Variants in MSI2 observed in about 807,000 individuals in gnomAD.
The protein encoded by MSI2 is RNA-binding protein Musashi homolog 2.
Under a neutral mutation model 45.6 loss-of-function variants are expected in MSI2, and 17 were observed. The ratio of observed to expected loss-of-function variants is 0.37; its 90% CI spans 0.26 to 0.56. The LOEUF (loss-of-function observed/expected upper bound fraction) is 0.56. Among genes scored for constraint, MSI2 ranks in the 20% least tolerant of loss-of-function variants. The probability of loss-of-function intolerance (pLI) is 0.77; values close to 1 mark genes in which losing one functional copy is unlikely to be tolerated. For missense variants in MSI2, 293 were observed against 444.2 expected, an observed-to-expected ratio of 0.66 and a Z score of 3.06; for synonymous variants, 156 against 158.2, an observed-to-expected ratio of 0.99 and a Z score of 0.11.
intron 6 of MSI2, among the ~76,000 whole-genome samples, chr17:57,494,982 C>A (rs570261352): frequency 6.6e-6 from 1 of 152,108 alleles, no homozygotes; most frequent in Admixed American, 6.5e-5. Flanking sequence ...TTAAAAAAAA[C>A]AACAGTGGAA....
chr17:57,372,494 A>T (rs745618502), intron 5 of MSI2, among the ~76,000 whole-genome samples: 28 of 152,162 alleles, frequency 1.8e-4, no homozygotes, highest in Non-Finnish European at 3.4e-4. Flanking sequence ...ATAAAATGAA[A>T]CCTGAGATCT....
chr17:57,445,246 C>T (rs892917467), intron 6 of MSI2, among the ~76,000 whole-genome samples: 2 of 152,088 alleles, frequency 1.3e-5, no homozygotes, highest in East Asian at 1.9e-4. Context: ...CACCAAGCCG[C>T]GTGTTTGTGT....
rs552168056 is a variant in MSI2 at position 57,573,784 on chromosome 17, C to T, written c.455-23084C>T. Among the ~76,000 whole-genome samples the T allele has an allele frequency of 9.2e-5, 14 of 152,320 alleles. No homozygotes were observed. In the East Asian group the frequency reaches 2.7e-3, roughly 29 times the overall value. ...ACAGACCTGGGCTTACATCCCAGCTCAGCGACTCCCTGATGGAAGGAGGGC... is the reference window on the plus strand; with the variant it reads ...ACAGACCTGGGCTTACATCCCAGCTTAGCGACTCCCTGATGGAAGGAGGGC... On this transcript the variant is annotated intron_variant, in intron 7 of 13. Transcript: ENST00000284073.
chr17:57,257,007 C>T lies in MSI2; in HGVS notation c.63-91C>T, dbSNP rs751811264. On this transcript the variant is annotated intron_variant, in intron 1 of 13. Coordinates refer to ENST00000284073, the MANE Select transcript of MSI2 (RefSeq NM_138962.4). Reference sequence around the variant, plus strand: ...CCTCCCGGCTCTCGCTCGCTCGCTCCCCCCCGCTTTCCTTTTAGCTTTTGT... The same window carrying T: ...CCTCCCGGCTCTCGCTCGCTCGCTCTCCCCCGCTTTCCTTTTAGCTTTTGT... The T allele has an allele frequency of 1.9e-6, 3 of 1,599,972 alleles. No individual in the cohort carries two copies. The South Asian group carries it at 3.3e-5, about 18-fold the overall frequency.
At chr17:57,537,679 C>T (rs1277922542) in intron 7 of MSI2, among the ~76,000 whole-genome samples, 2 of 152,140 alleles carry the variant, frequency 1.3e-5, no homozygotes, top group Admixed American at 6.5e-5. Context: ...ATTCCGGAAG[C>T]GCCCATTCCG....
chr17:57,529,530 A>G lies in MSI2; in HGVS notation c.406-146A>G, dbSNP rs1290496037. On this transcript the variant is annotated intron_variant, in intron 6 of 13. Transcript: ENST00000284073. The surrounding 1 kb of genome is among the most constrained non-coding windows in gnomAD (Gnocchi z 5.3). The stretch of plus-strand genomic sequence containing the variant: ...AAGACCACTGTTTTTTTTTCTTTCT[A>G]CTTTTTTGCATTTTCAAATATTTTT... 1 of 691,712 alleles carries G rather than the reference A, an allele frequency of 1.4e-6. No homozygotes were observed. The allele number at this position is 691,712 out of a possible 1,614,324, so 42.8% of individuals were successfully genotyped here. A position where few individuals can be genotyped will look rare whatever the true frequency, so the allele number is the denominator to read the frequency against.
At chr17:57,370,393 A>T (rs1207427879) in intron 5 of MSI2, among the ~76,000 whole-genome samples, 2 of 152,218 alleles carry the variant, frequency 1.3e-5, no homozygotes, top group Non-Finnish European at 2.9e-5. Context: ...GTTTTGCAAT[A>T]TCACAGAGTC....
At chr17:57,304,491 C>T (rs1478720983) in intron 5 of MSI2, among the ~76,000 whole-genome samples, 2 of 147,890 alleles carry the variant, frequency 1.4e-5, no homozygotes, top group South Asian at 4.4e-4. Context: ...CGTGTGCTCT[C>T]GGCTCACTGC....
chr17:57,297,526 T>C (rs1047723742), intron 5 of MSI2, among the ~76,000 whole-genome samples: 1 of 152,256 alleles, frequency 6.6e-6, no homozygotes, highest in Non-Finnish European at 1.5e-5. Flanking sequence ...TCAATGTTGA[T>C]GGCTGCTGAC....
At chr17:57,576,784 G>T (rs1052310859) in intron 7 of MSI2, among the ~76,000 whole-genome samples, 2 of 149,326 alleles carry the variant, frequency 1.3e-5, no homozygotes, top group African/African-American at 4.9e-5. Flanking sequence ...GACTATAATC[G>T]ATGTCTAATT....
intron 5 of MSI2, among the ~76,000 whole-genome samples, chr17:57,318,172 G>GGAAGGTGA (rs1239527196): frequency 4.0e-5 from 6 of 151,206 alleles, no homozygotes; most frequent in East Asian, 3.9e-4. Flanking sequence ...AATGGAAGGT[G>GGAAGGTGA]GAAGGTGAGA....
intron 7 of MSI2, among the ~76,000 whole-genome samples, chr17:57,567,609 T>C (rs1452595496): frequency 3.3e-5 from 5 of 152,228 alleles, no homozygotes; most frequent in Non-Finnish European, 5.9e-5. Flanking sequence ...AGTCTCTCTC[T>C]GCAGTGGGCT....
intron 7 of MSI2, among the ~76,000 whole-genome samples, chr17:57,543,214 T>C (rs2087090319): frequency 6.6e-6 from 1 of 152,146 alleles, no homozygotes. Context: ...TGGGAACACT[T>C]TTTCCAGCAC....
chr17:57,390,107 C>G (rs1463396302), intron 5 of MSI2, among the ~76,000 whole-genome samples: 3 of 151,196 alleles, frequency 2.0e-5, no homozygotes, highest in African/African-American at 7.3e-5. Context: ...AAAGAAAAAG[C>G]CAGATGTGGT....
chr17:57,541,242 A>G (rs2087039585), intron 7 of MSI2, among the ~76,000 whole-genome samples: 3 of 152,186 alleles, frequency 2.0e-5, no homozygotes, highest in African/African-American at 7.2e-5. Flanking sequence ...TCATTTCTTT[A>G]TAAGCCAAGG....
intron 6 of MSI2, among the ~76,000 whole-genome samples, chr17:57,418,080 G>A (rs1359963810): frequency 2.6e-5 from 4 of 152,136 alleles, no homozygotes; most frequent in Admixed American, 6.5e-5. Context: ...TGGGCCATAC[G>A]GTCTCTGTCC....
At position 57,643,889 on chromosome 17, in the gene MSI2, A is replaced by G. The variant is rs145139317; in HGVS notation, c.728-8210A>G. On this transcript the variant is annotated intron_variant, in intron 10 of 13. Coordinates refer to ENST00000284073, the MANE Select transcript of MSI2 (RefSeq NM_138962.4). ...CTGCAGGACCTCTCTCCTTTAGGCA[A>G]CAGGACCAACCTGAGCCACCAACCT... Among the ~76,000 whole-genome samples, 581 of 152,356 alleles carry G rather than the reference A, an allele frequency of 3.8e-3. 4 individuals carry two copies. Among genetic ancestry groups the G allele is most frequent in the African/African-American group, 0.013 (541 of 41,570 alleles).
intron 5 of MSI2, among the ~76,000 whole-genome samples, chr17:57,368,053 T>C (rs952969064): frequency 3.9e-5 from 6 of 152,308 alleles, no homozygotes; most frequent in African/African-American, 1.4e-4. Context: ...GGTACCCAAA[T>C]TGTGGTTCGG....
intron 6 of MSI2, among the ~76,000 whole-genome samples, chr17:57,418,721 G>A (rs997613294): frequency 6.6e-6 from 1 of 152,312 alleles, no homozygotes; most frequent in Middle Eastern, 3.4e-3. Flanking sequence ...GAACTTTTAT[G>A]CAGCTTTATG....
Sources: allele counts gnomAD v4.1 joint callset (sites outside exome capture counted in the v4.1 genomes callset), GRCh38; gene constraint gnomAD v4.1.1; non-coding constraint Gnocchi (gnomAD v3.1); transcripts MANE v1.5; gene names NCBI Gene and HGNC (gene_info 2026-07-23, HGNC 2026-07-21).